Variants in RFX1 observed in about 807,000 individuals in gnomAD.
The protein encoded by RFX1 is MHC class II regulatory factor RFX1.
Under a neutral mutation model 119.6 loss-of-function variants are expected in RFX1, and 42 were observed. The ratio of observed to expected loss-of-function variants is 0.35; its 90% CI spans 0.27 to 0.45. The LOEUF (loss-of-function observed/expected upper bound fraction) is 0.45. RFX1 is among the 20% of genes least tolerant of loss of function. The pLI, the probability that RFX1 is intolerant of heterozygous loss-of-function variation, is 1.00. For missense variants in RFX1, 1,118 were observed against 1,368.1 expected (o/e 0.82, Z 2.88); for synonymous variants, 628 against 618.5 (o/e 1.02, Z -0.23).
intron 8 of RFX1, 84 bp from the exon 9 acceptor site, chr19:13,973,211 C>A: frequency 1.1e-6 from 1 of 915,068 alleles, no homozygotes; most frequent in Non-Finnish European, 1.7e-6. Flanking sequence ...AAGGGGGGTC[C>A]TAGGAGGGGA....
At chr19:13,963,449 C>A (rs1973784199) in intron 18 of RFX1, 89 bp downstream of exon 18, 1 of 1,453,058 alleles carries the variant, frequency 6.9e-7, no homozygotes. Context: ...AGCCTGCAGG[C>A]TCGGGTCGTC....
intron 9 of RFX1, 70 bp from the exon 10 acceptor site, chr19:13,970,245 G>T: frequency 4.4e-6 from 6 of 1,368,798 alleles, no homozygotes; most frequent in Non-Finnish European, 6.0e-6. Flanking sequence ...CTGGGGCTGA[G>T]TGCCCCACAT....
intron 1 of RFX1, among the ~76,000 whole-genome samples, chr19:13,994,156 C>A (rs1181764656): frequency 6.6e-6 from 1 of 152,076 alleles, no homozygotes; most frequent in Admixed American, 6.6e-5. Context: ...CTCCTGCCTT[C>A]CCAGTCCCTG....
At chr19:14,003,191 G>C (rs1015135957) in intron 1 of RFX1, among the ~76,000 whole-genome samples, 29 of 152,136 alleles carry the variant, frequency 1.9e-4, no homozygotes, top group Admixed American at 6.6e-5. Context: ...TCACCGTGTT[G>C]GCCAGGCTGG....
rs1974583599 is a variant in RFX1 at position 13,986,077 on chromosome 19, C to A, written c.320-2482G>T. Reference sequence around the variant, plus strand: ...AGCCCTGAGCCATAAGGGAGGAGGCCCTTGCTGAGAGGGCCCCTCCTGGGA... The same window carrying A: ...AGCCCTGAGCCATAAGGGAGGAGGCACTTGCTGAGAGGGCCCCTCCTGGGA... On this transcript the variant is annotated intron_variant, in intron 2 of 20. Coordinates refer to ENST00000254325, the MANE Select transcript of RFX1 (RefSeq NM_002918.5). The surrounding 1 kb of genome is among the most constrained non-coding windows in gnomAD (Gnocchi z 4.2). 6.6e-6 allele frequency among the ~76,000 whole-genome samples: 1 copy of A among 152,198 alleles called. No individual in the cohort carries two copies. The highest frequency in any genetic ancestry group is 1.5e-5 in the Non-Finnish European group (1 of 68,028).
In RFX1 at chr19:13,968,086, T is replaced by C. The variant is rs879343479; in HGVS notation, c.1732+479A>G. ...CTAGCCAAGATGGTGAAACCCCATC[T>C]CTCCTAAAGTTACTAAAATTAGCCA... is the stretch of plus-strand genomic sequence containing the variant. On this transcript the variant is annotated intron_variant, in intron 12 of 20. Coordinates refer to ENST00000254325, the MANE Select transcript of RFX1 (RefSeq NM_002918.5). This position sits in a 1 kb window ranked among gnomAD's most constrained non-coding sequence, Gnocchi z 5.5. Among the ~76,000 whole-genome samples, 5 of 151,868 alleles carry C rather than the reference T, an allele frequency of 3.3e-5. No individual in the cohort carries two copies. The highest frequency in any genetic ancestry group is 7.4e-5 in the Non-Finnish European group (5 of 67,972).
intron 2 of RFX1, among the ~76,000 whole-genome samples, chr19:13,988,572 A>T (rs1974690594): frequency 6.6e-6 from 1 of 152,156 alleles, no homozygotes; most frequent in Non-Finnish European, 1.5e-5. Flanking sequence ...GCAGGAGCTG[A>T]TGGGACATGA....
Position 13,966,778 on chromosome 19 carries a change from C to A in RFX1, c.1733-27G>T. 1.3e-6 allele frequency: 2 copies of A among 1,483,704 alleles called. No individual in the cohort carries two copies. The highest frequency in any genetic ancestry group is 1.9e-6 in the Non-Finnish European group (2 of 1,077,654). 91.9% of individuals were successfully genotyped at this position (1,483,704 alleles called of 1,614,324 possible). The stretch of plus-strand genomic sequence containing the variant: ...TAGGGGGCCGGGGGGAACCGTGAGG[C>A]CCTTCATCCCCCTTGCCTGCCCACC... On this transcript the variant is annotated intron_variant, in intron 12 of 20. Coordinates refer to ENST00000254325, the MANE Select transcript of RFX1 (RefSeq NM_002918.5). The surrounding 1 kb of genome is among the most constrained non-coding windows in gnomAD (Gnocchi z 6.3).
chr19:13,973,161 G>T, intron 8 of RFX1, 34 bp from the exon 9 acceptor site: 2 of 1,550,958 alleles, frequency 1.3e-6, no homozygotes, highest in East Asian at 2.3e-5. Context: ...GAGAGTCAGG[G>T]GGATGAGAAC....
At position 13,980,775 on chromosome 19, in the gene RFX1, G is replaced by A. The variant is rs1974405127; in HGVS notation, c.622-86C>T. 1 of 301,500 alleles carries A rather than the reference G, an allele frequency of 3.3e-6. No homozygotes were observed. The highest frequency in any genetic ancestry group is 5.3e-6 in the Non-Finnish European group (1 of 190,352). The allele number at this position is 301,500 out of a possible 1,614,324, so 18.7% of individuals were successfully genotyped here. Reference sequence around the variant, plus strand: ...GCTCACACACACACCCTTCTCAGGAGAGCTGTCTGGGGAGGGCGGCAGTCT... The same window carrying A: ...GCTCACACACACACCCTTCTCAGGAAAGCTGTCTGGGGAGGGCGGCAGTCT... On this transcript the variant is annotated intron_variant, in intron 5 of 20. Transcript: ENST00000254325. This position sits in a 1 kb window ranked among gnomAD's most constrained non-coding sequence, Gnocchi z 5.1.
chr19:13,963,769 G>A (rs1973799072), intron 17 of RFX1, 23 bp from the exon 18 acceptor site: 2 of 1,524,554 alleles, frequency 1.3e-6, no homozygotes, highest in Non-Finnish European at 1.8e-6. Context: ...GGGTGGGCGG[G>A]CGCCCGGGGC....
intron 8 of RFX1, among the ~76,000 whole-genome samples, chr19:13,975,094 A>T (rs1369080262): frequency 6.7e-6 from 1 of 149,978 alleles, no homozygotes; most frequent in Non-Finnish European, 1.5e-5. Flanking sequence ...GGTGGCTCAC[A>T]CCTGTAACCC....
At chr19:13,995,984 G>A (rs1249902984) in intron 1 of RFX1, among the ~76,000 whole-genome samples, 1 of 152,072 alleles carries the variant, frequency 6.6e-6, no homozygotes, top group South Asian at 2.1e-4. Flanking sequence ...GCTGTGAGCC[G>A]AGATTGTTCC....
chr19:13,987,347 G>T (rs900848307), intron 2 of RFX1, among the ~76,000 whole-genome samples: 5 of 152,156 alleles, frequency 3.3e-5, no homozygotes, highest in African/African-American at 1.2e-4. Context: ...TTTAGGCAGG[G>T]CAGGCAGGGA....
intron 9 of RFX1, 71 bp downstream of exon 9, chr19:13,972,672 A>G (rs567007853): frequency 2.0e-4 from 252 of 1,254,472 alleles, no homozygotes; most frequent in Non-Finnish European, 2.7e-4. Flanking sequence ...AACCACCGTC[A>G]TGGACTGGGC....
Position 13,962,838 on chromosome 19 carries a change from TCTC to T in RFX1, c.2794_2796del (p.Glu932del), listed in dbSNP as rs764872878. On this transcript the variant is annotated inframe_deletion, in exon 21 of 21. Transcript: ENST00000254325. The stretch of plus-strand genomic sequence containing the variant: ...ATGTCCTGCGGCAGCTCGTCCTCGC[TCTC>T]CTCCTCCTCTTCTTCCTCCTCGTCT... 2.5e-5 allele frequency: 38 copies of T among 1,528,058 alleles called. No individual in the cohort carries two copies. Among genetic ancestry groups the T allele is most frequent in the Middle Eastern group, 1.7e-4 (1 of 5,950 alleles). 94.7% of individuals were successfully genotyped at this position (1,528,058 alleles called of 1,614,324 possible). A position where few individuals can be genotyped will look rare whatever the true frequency, so the allele number is the denominator to read the frequency against.
chr19:13,994,386 G>A (rs1419319827), intron 1 of RFX1, among the ~76,000 whole-genome samples: 1 of 152,104 alleles, frequency 6.6e-6, no homozygotes, highest in Non-Finnish European at 1.5e-5. Flanking sequence ...CCAGGCACAG[G>A]GCTGGGCACT....
Position 13,962,627 on chromosome 19 carries a change from C to A in RFX1, c.*68G>T. 1 of 1,306,570 alleles carries A rather than the reference C, an allele frequency of 7.7e-7. No homozygotes were observed. 80.9% of individuals were successfully genotyped at this position (1,306,570 alleles called of 1,614,324 possible). A position where few individuals can be genotyped will look rare whatever the true frequency, so the allele number is the denominator to read the frequency against. ...GAGGCTGGAGCAGTGACCACGAAGCCACAGAAGCTTTGAGGGACCCTGGCG... is the reference window on the plus strand; with the variant it reads ...GAGGCTGGAGCAGTGACCACGAAGCAACAGAAGCTTTGAGGGACCCTGGCG... On this transcript the variant is annotated 3_prime_UTR_variant, in exon 21 of 21. Coordinates refer to ENST00000254325, the MANE Select transcript of RFX1 (RefSeq NM_002918.5).
chr19:13,977,865 C>G lies in RFX1; in HGVS notation c.929+127G>C. 7.2e-6 allele frequency: 5 copies of G among 690,860 alleles called. 1 individual carries two copies. The South Asian group carries it at 9.2e-5, about 13-fold the overall frequency. 42.8% of individuals were successfully genotyped at this position (690,860 alleles called of 1,614,324 possible). A position where few individuals can be genotyped will look rare whatever the true frequency, so the allele number is the denominator to read the frequency against. On this transcript the variant is annotated intron_variant, in intron 8 of 20. Coordinates refer to ENST00000254325, the MANE Select transcript of RFX1 (RefSeq NM_002918.5). Reference sequence around the variant, plus strand: ...CCCTGGGGAGTGCCCACCTGTGTGTCTGTCACCTGAGGCCTTGAAGGCCGG... The same window carrying G: ...CCCTGGGGAGTGCCCACCTGTGTGTGTGTCACCTGAGGCCTTGAAGGCCGG...
Sources: gnomAD v4.1 joint callset for allele counts (sites outside exome capture counted in the v4.1 genomes callset) on GRCh38, gnomAD v4.1.1 for gene constraint, Gnocchi (gnomAD v3.1) non-coding constraint, MANE v1.5 for transcripts, NCBI Gene and HGNC (gene_info 2026-07-23, HGNC 2026-07-21) for gene names.